KLHL29: variants seen among roughly 807,000 people sequenced by gnomAD.
KLHL29 encodes the protein kelch like family member 29.
In KLHL29, 21 loss-of-function variants were observed where a neutral mutation model predicts 80.4. The observed-to-expected ratio is 0.26, with a 90% CI of 0.19 to 0.38. The LOEUF (loss-of-function observed/expected upper bound fraction) is 0.38. Among genes scored for constraint, KLHL29 ranks in the 10% least tolerant of loss-of-function variants. The pLI, the probability that KLHL29 is intolerant of heterozygous loss-of-function variation, is 1.00. For synonymous variants in KLHL29, 511 were observed against 526.8 expected, an observed-to-expected ratio of 0.97 and a Z score of 0.41; for missense variants, 867 against 1,223.9, an observed-to-expected ratio of 0.71 and a Z score of 4.35.
intron 1 of KLHL29, among the ~76,000 whole-genome samples, chr2:23,474,194 T>C (rs924992254): frequency 3.9e-5 from 6 of 152,242 alleles, no homozygotes; most frequent in Admixed American, 3.9e-4. Context: ...CCTTTCTCTT[T>C]TGTTCACTCA....
intron 1 of KLHL29, among the ~76,000 whole-genome samples, chr2:23,400,377 A>G (rs1247767175): frequency 1.3e-5 from 2 of 152,172 alleles, no homozygotes; most frequent in African/African-American, 2.4e-5. Flanking sequence ...CTGGGACTGA[A>G]GCACCACAGC....
At chr2:23,643,022 G>C (rs1056041421) in intron 5 of KLHL29, 172 bp downstream of exon 5, 4 of 801,848 alleles carry the variant, frequency 5.0e-6, no homozygotes, top group Non-Finnish European at 8.6e-6. Flanking sequence ...CCTGAGATGG[G>C]GGAGGGAGGG....
At chr2:23,678,684 G>A (rs1395115051) in intron 5 of KLHL29, among the ~76,000 whole-genome samples, 1 of 152,204 alleles carries the variant, frequency 6.6e-6, no homozygotes, top group Non-Finnish European at 1.5e-5. Flanking sequence ...AGGATGAATG[G>A]TTAAACAGTA....
At chr2:23,453,097 G>T (rs1391795155) in intron 1 of KLHL29, among the ~76,000 whole-genome samples, 2 of 149,880 alleles carry the variant, frequency 1.3e-5, no homozygotes, top group African/African-American at 2.5e-5. Flanking sequence ...TTATAGGAGT[G>T]TATGTTTCAT....
At chr2:23,579,671 C>T (rs1305285369) in intron 3 of KLHL29, among the ~76,000 whole-genome samples, 1 of 152,204 alleles carries the variant, frequency 6.6e-6, no homozygotes, top group African/African-American at 2.4e-5. Flanking sequence ...CTTCCTGCCT[C>T]CAATCTGCCC....
intron 2 of KLHL29, among the ~76,000 whole-genome samples, chr2:23,557,364 G>A (rs2879583): frequency 0.39 from 59,110 of 152,010 alleles, 13,070 homozygotes; most frequent in Non-Finnish European, 0.49. Flanking sequence ...TTTGAAAGGG[G>A]AAATTAAATT....
intron 3 of KLHL29, among the ~76,000 whole-genome samples, chr2:23,625,849 T>C (rs1447001867): frequency 6.6e-6 from 1 of 152,108 alleles, no homozygotes; most frequent in East Asian, 1.9e-4. Context: ...GGATTAGTGC[T>C]CTTGTAAGAT....
chr2:23,604,176 G>A (rs1246158286), intron 3 of KLHL29, among the ~76,000 whole-genome samples: 3 of 151,340 alleles, frequency 2.0e-5, no homozygotes, highest in African/African-American at 7.3e-5. Flanking sequence ...TTTTGAGACA[G>A]AGTCTCACTC....
intron 3 of KLHL29, among the ~76,000 whole-genome samples, chr2:23,578,660 G>C (rs774732904): frequency 6.6e-6 from 1 of 152,212 alleles, no homozygotes; most frequent in Admixed American, 6.5e-5. Context: ...CCGCTTGCCT[G>C]TTATGTGCTC....
intron 2 of KLHL29, among the ~76,000 whole-genome samples, chr2:23,539,353 AAT>A (rs1666766854): frequency 6.6e-6 from 1 of 152,152 alleles, no homozygotes; most frequent in African/African-American, 2.4e-5. Context: ...TTATCTCAAA[AAT>A]ATGTCTGTAT....
chr2:23,543,247 A>T (rs1306371982), intron 2 of KLHL29, among the ~76,000 whole-genome samples: 1 of 152,240 alleles, frequency 6.6e-6, no homozygotes, highest in African/African-American at 2.4e-5. Context: ...GCAAGAACTC[A>T]TTACACGGCT....
intron 1 of KLHL29, among the ~76,000 whole-genome samples, chr2:23,409,247 C>T (rs1335007854): frequency 1.3e-5 from 2 of 152,124 alleles, no homozygotes; most frequent in Non-Finnish European, 2.9e-5. Flanking sequence ...GAAATATGAC[C>T]GTAATATCTA....
chr2:23,695,926 A>G lies in KLHL29; in HGVS notation c.1742-25A>G, dbSNP rs1671925532. ...GCCGACAGTCTTAGAGTGTGTCCCA[A>G]GGGCGCCCATCCATGTCCCTGCAGG... On this transcript the variant is annotated intron_variant, in intron 9 of 13. Transcript: ENST00000486442. The surrounding 1 kb of genome is among the most constrained non-coding windows in gnomAD (Gnocchi z 7.6). 6.5e-7 allele frequency: 1 copy of G among 1,548,352 alleles called. No individual in the cohort carries two copies. Among genetic ancestry groups the G allele is most frequent in the Non-Finnish European group, 8.7e-7 (1 of 1,145,786 alleles).
chr2:23,551,326 C>T lies in KLHL29; in HGVS notation c.-45-10826C>T, dbSNP rs58038661. 5.7e-3 allele frequency among the ~76,000 whole-genome samples: 863 copies of T among 152,246 alleles called. 7 individuals are homozygous for T. The highest frequency in any genetic ancestry group is 0.024 in the Middle Eastern group (7 of 292). ...TCAATTAGTCCCACGAGAAAAGTCT[C>T]TGAATCGTGTGTGCTTTTTTGAAAA... On this transcript the variant is annotated intron_variant, in intron 2 of 13. Transcript: ENST00000486442.
Position 23,562,101 on chromosome 2 carries a change from C to T in KLHL29, c.-45-51C>T, listed in dbSNP as rs1667460397. ...GGGCTTCATGGATGCTGTCAGTTGT[C>T]GCTGCCTGCTCCAGTCCTAAATCAC... On this transcript the variant is annotated intron_variant, in intron 2 of 13. Coordinates refer to ENST00000486442, the MANE Select transcript of KLHL29 (RefSeq NM_052920.2). The surrounding 1 kb of genome is among the most constrained non-coding windows in gnomAD (Gnocchi z 4.5). 3 of 1,427,692 alleles carry T rather than the reference C, an allele frequency of 2.1e-6. No individual in the cohort carries two copies. Among genetic ancestry groups the T allele is most frequent in the South Asian group, 1.3e-5 (1 of 79,118 alleles). The allele number at this position is 1,427,692 out of a possible 1,614,324, so 88.4% of individuals were successfully genotyped here. A position where few individuals can be genotyped will look rare whatever the true frequency, so the allele number is the denominator to read the frequency against.
At chr2:23,466,878 T>C (rs1179162299) in intron 1 of KLHL29, among the ~76,000 whole-genome samples, 1 of 152,200 alleles carries the variant, frequency 6.6e-6, no homozygotes, top group East Asian at 1.9e-4. Flanking sequence ...TGGGATGTTA[T>C]CTGACCTTTC....
At chr2:23,506,540 G>T (rs1331574531) in intron 2 of KLHL29, among the ~76,000 whole-genome samples, 1 of 152,168 alleles carries the variant, frequency 6.6e-6, no homozygotes, top group Non-Finnish European at 1.5e-5. Context: ...AAGGACCCTA[G>T]CTCCTCCCTT....
chr2:23,673,316 G>C (rs1325822890), intron 5 of KLHL29, among the ~76,000 whole-genome samples: 1 of 149,282 alleles, frequency 6.7e-6, no homozygotes, highest in East Asian at 2.0e-4. Flanking sequence ...GTACACAAGA[G>C]GACACACATA....
chr2:23,408,727 C>G (rs1572488776), intron 1 of KLHL29, among the ~76,000 whole-genome samples: 1 of 152,090 alleles, frequency 6.6e-6, no homozygotes, highest in African/African-American at 2.4e-5. Flanking sequence ...GTCTGTATAC[C>G]CAGGGATGTC....
Sources: allele counts gnomAD v4.1 joint callset (sites outside exome capture counted in the v4.1 genomes callset), GRCh38; gene constraint gnomAD v4.1.1; non-coding constraint Gnocchi (gnomAD v3.1); transcripts MANE v1.5; gene names NCBI Gene and HGNC (gene_info 2026-07-23, HGNC 2026-07-21).